The following LRRC4C variants were observed in gnomAD, a reference collection of about 807,000 sequenced individuals.
LRRC4C encodes leucine-rich repeat-containing protein 4C.
In LRRC4C, 5 loss-of-function variants were observed where a neutral mutation model predicts 33.6. The observed-to-expected ratio is 0.15, with a 90% confidence interval of 0.08 to 0.31. The LOEUF (loss-of-function observed/expected upper bound fraction) is 0.31, where lower values mean the gene tolerates loss of function less well. Ranked by LOEUF, LRRC4C falls within the 10% of genes least tolerant of loss-of-function variation. LRRC4C has a pLI of 1.00. For synonymous variants in LRRC4C, 329 were observed against 302.0 expected, an observed-to-expected ratio of 1.09 and a Z score of -0.93; for missense variants, 560 against 796.7, an observed-to-expected ratio of 0.70 and a Z score of 3.58.
At chr11:40,788,558 G>C (rs1950502446) in intron 2 of LRRC4C, among the ~76,000 whole-genome samples, 2 of 152,068 alleles carry the variant, frequency 1.3e-5, no homozygotes, top group South Asian at 4.1e-4. Flanking sequence ...GCTGTTTCTG[G>C]CAATTGAATA....
chr11:41,285,954 C>T (rs1162995967), intron 1 of LRRC4C, among the ~76,000 whole-genome samples: 8 of 152,106 alleles, frequency 5.3e-5, no homozygotes, highest in East Asian at 3.9e-4. Flanking sequence ...CTCAGCCTCC[C>T]GAGTAGCTGG....
chr11:40,256,945 G>C (rs539125226), intron 4 of LRRC4C, among the ~76,000 whole-genome samples: 143 of 152,258 alleles, frequency 9.4e-4, no homozygotes, highest in African/African-American at 3.1e-3. Flanking sequence ...TCAAGCCATC[G>C]GGTGTTTCTG....
At chr11:40,484,290 T>C (rs971128773) in intron 3 of LRRC4C, among the ~76,000 whole-genome samples, 1 of 152,134 alleles carries the variant, frequency 6.6e-6, no homozygotes, top group Non-Finnish European at 1.5e-5. Context: ...ATTAATTAAT[T>C]GCAAAAGATT....
chr11:40,277,631 A>T (rs540652363), intron 4 of LRRC4C, among the ~76,000 whole-genome samples: 38 of 152,194 alleles, frequency 2.5e-4, no homozygotes, highest in African/African-American at 8.4e-4. Context: ...CATAGTATAA[A>T]ACCACTGGCT....
chr11:40,574,775 C>A (rs1958119356), intron 3 of LRRC4C, among the ~76,000 whole-genome samples: 1 of 152,172 alleles, frequency 6.6e-6, no homozygotes, highest in East Asian at 1.9e-4. Flanking sequence ...TATGCATAGG[C>A]ATACAGACAC....
intron 3 of LRRC4C, among the ~76,000 whole-genome samples, chr11:40,440,913 T>A (rs1028063190): frequency 1.3e-5 from 2 of 152,034 alleles, no homozygotes; most frequent in African/African-American, 2.4e-5. Flanking sequence ...ATAGGTTTGC[T>A]CTTATTTCCT....
intron 3 of LRRC4C, among the ~76,000 whole-genome samples, chr11:40,520,511 G>A (rs1426382865): frequency 1.3e-5 from 2 of 152,130 alleles, no homozygotes; most frequent in Admixed American, 6.6e-5. Flanking sequence ...GGAAAAGATT[G>A]GGGAACAACT....
At chr11:40,858,014 A>ACAGGGACAGGGAC (rs57379567) in intron 2 of LRRC4C, among the ~76,000 whole-genome samples, 4 of 124,974 alleles carry the variant, frequency 3.2e-5, no homozygotes, top group East Asian at 2.4e-4. Context: ...AGGGACAAGG[A>ACAGGGACAGGGAC]AAGGAAGGGA....
At chr11:41,303,530 G>A (rs1159663437) in intron 1 of LRRC4C, among the ~76,000 whole-genome samples, 41 of 116,384 alleles carry the variant, frequency 3.5e-4, no homozygotes, top group Middle Eastern at 4.4e-3. Flanking sequence ...AGTGAGGAGT[G>A]TCTCTGCCTG....
chr11:41,371,718 A>G (rs753384984), intron 1 of LRRC4C, among the ~76,000 whole-genome samples: 4 of 152,238 alleles, frequency 2.6e-5, no homozygotes, highest in Non-Finnish European at 5.9e-5. Context: ...AACCAAGGAT[A>G]TAGTAAAACT....
Position 40,859,869 on chromosome 11 carries a change from G to T in LRRC4C, c.-407+73766C>A, listed in dbSNP as rs192019467. 2.2e-3 allele frequency among the ~76,000 whole-genome samples: 331 copies of T among 152,216 alleles called. 1 individual carries two copies. The highest frequency in any genetic ancestry group is 7.7e-3 in the African/African-American group (320 of 41,546). On this transcript the variant is annotated intron_variant, in intron 2 of 6. Coordinates refer to ENST00000528697, the MANE Select transcript of LRRC4C (RefSeq NM_001258419.2). ...AGGCGGGCGGATCGCGAGGTCAGGA[G>T]ATCGAGACCATCCTGGCTAACACGG...
chr11:41,380,560 A>C (rs759862610), intron 1 of LRRC4C, among the ~76,000 whole-genome samples: 3 of 152,208 alleles, frequency 2.0e-5, no homozygotes, highest in African/African-American at 7.2e-5. Context: ...AAAATATAAA[A>C]GAAAATTAGC....
chr11:41,442,678 C>T lies in LRRC4C; in HGVS notation c.-496+16753G>A, dbSNP rs552789439. Reference sequence around the variant, plus strand: ...TAGAGACGGGGTTTCACTGTGTTAGCCAGGATGGTCTCGATCTCCTGACCT... The same window carrying T: ...TAGAGACGGGGTTTCACTGTGTTAGTCAGGATGGTCTCGATCTCCTGACCT... On this transcript the variant is annotated intron_variant, in intron 1 of 6. Coordinates refer to ENST00000528697, the MANE Select transcript of LRRC4C (RefSeq NM_001258419.2). 8.4e-4 allele frequency among the ~76,000 whole-genome samples: 128 copies of T among 151,888 alleles called. 1 individual carries two copies. The highest frequency in any genetic ancestry group is 3.4e-3 in the Middle Eastern group (1 of 294).
At chr11:40,440,361 A>G (rs1472735623) in intron 3 of LRRC4C, among the ~76,000 whole-genome samples, 4 of 150,044 alleles carry the variant, frequency 2.7e-5, no homozygotes, top group African/African-American at 9.8e-5. Context: ...TTTTCTAGAA[A>G]GATTTACTTA....
At chr11:40,383,933 ATTAT>A (rs937145327) in intron 3 of LRRC4C, among the ~76,000 whole-genome samples, 1 of 147,592 alleles carries the variant, frequency 6.8e-6, no homozygotes, top group African/African-American at 2.5e-5. Context: ...TATTATTATT[ATTAT>A]TATTATTATT....
intron 1 of LRRC4C, among the ~76,000 whole-genome samples, chr11:41,190,643 C>T (rs555004289): frequency 8.5e-5 from 13 of 152,218 alleles, no homozygotes; most frequent in Non-Finnish European, 1.5e-4. Flanking sequence ...GACGTATGCT[C>T]GGCTGCGTAC....
chr11:40,963,163 C>A (rs1203768294), intron 1 of LRRC4C, among the ~76,000 whole-genome samples: 4 of 151,674 alleles, frequency 2.6e-5, no homozygotes, highest in Non-Finnish European at 4.4e-5. Flanking sequence ...TTTATTACAA[C>A]CACTTTAATT....
At chr11:40,909,382 T>C (rs1015937156) in intron 2 of LRRC4C, among the ~76,000 whole-genome samples, 5 of 152,110 alleles carry the variant, frequency 3.3e-5, no homozygotes, top group Non-Finnish European at 7.4e-5. Context: ...ATGATAATTA[T>C]ATAGAATACA....
intron 2 of LRRC4C, among the ~76,000 whole-genome samples, chr11:40,663,542 G>T (rs1195135113): frequency 6.6e-6 from 1 of 152,120 alleles, no homozygotes; most frequent in Non-Finnish European, 1.5e-5. Flanking sequence ...AAAGATGACA[G>T]CAACAACAAA....
Sources: gnomAD v4.1 joint callset for allele counts (sites outside exome capture counted in the v4.1 genomes callset) on GRCh38, gnomAD v4.1.1 for gene constraint, MANE v1.5 for transcripts, NCBI Gene and HGNC (gene_info 2026-07-23, HGNC 2026-07-21) for gene names.